The following TENM3 variants were observed in gnomAD, a reference collection of about 807,000 sequenced individuals.
TENM3 encodes teneurin transmembrane protein 3, also known as teneurin-3.
Under a neutral mutation model 255.1 loss-of-function variants are expected in TENM3, and 63 were observed. The observed-to-expected ratio is 0.25, with a 90% confidence interval of 0.20 to 0.30. The LOEUF (loss-of-function observed/expected upper bound fraction) is 0.30. TENM3 is among the 10% of genes least tolerant of loss of function. The pLI, the probability that TENM3 is intolerant of heterozygous loss-of-function variation, is 1.00. For synonymous variants in TENM3, 1,306 were observed against 1,322.3 expected (o/e 0.99, Z 0.27); for missense variants, 2,929 against 3,461.1 (o/e 0.85, Z 3.86).
chr4:182,670,832 A>G (rs1454362288), intron 6 of TENM3, among the ~76,000 whole-genome samples: 1 of 152,140 alleles, frequency 6.6e-6, no homozygotes. Flanking sequence ...CCACCACCAC[A>G]CAAGAATAAG....
At chr4:182,064,548 T>C in the TENM3 span, among the ~76,000 whole-genome samples, 1 of 151,870 alleles carries the variant, frequency 6.6e-6, no homozygotes, top group Non-Finnish European at 1.5e-5. Flanking sequence ...GCACCACTGC[T>C]CCAGCCTGGG....
the TENM3 span, among the ~76,000 whole-genome samples, chr4:182,043,747 T>C: frequency 1.3e-5 from 2 of 152,204 alleles, no homozygotes; most frequent in African/African-American, 2.4e-5. Flanking sequence ...TAATCAACTG[T>C]GTGTTTTCTG....
the TENM3 span, among the ~76,000 whole-genome samples, chr4:181,513,235 A>G: frequency 3.9e-5 from 6 of 152,170 alleles, no homozygotes; most frequent in African/African-American, 1.2e-4. Flanking sequence ...TCTCATTGCC[A>G]AGTTCTCAAT....
chr4:182,335,823 T>C lies in TENM3; in HGVS notation c.233-10828T>C, dbSNP rs1479547090. Reference sequence around the variant, plus strand: ...ATATCTATAATATACTGAATGACTGTTACAGTTTGAAAACAGAAAGATAAA... The same window carrying C: ...ATATCTATAATATACTGAATGACTGCTACAGTTTGAAAACAGAAAGATAAA... On this transcript the variant is annotated intron_variant, in intron 2 of 27. Transcript: ENST00000511685. Among the ~76,000 whole-genome samples, 4 of 152,172 alleles carry C rather than the reference T, an allele frequency of 2.6e-5. No individual in the cohort carries two copies. The South Asian group carries it at 8.3e-4, about 31-fold the overall frequency.
the TENM3 span, among the ~76,000 whole-genome samples, chr4:181,595,443 A>AAAAAAAAAC: frequency 9.9e-5 from 13 of 130,772 alleles, no homozygotes; most frequent in African/African-American, 4.0e-4. Context: ...AAAAAAAAAA[A>AAAAAAAAAC]AAAAAAAAAA....
chr4:181,539,171 A>G, the TENM3 span, among the ~76,000 whole-genome samples: 1 of 152,202 alleles, frequency 6.6e-6, no homozygotes, highest in African/African-American at 2.4e-5. Flanking sequence ...TTTCTTCAGC[A>G]TTGGAAGAAC....
the TENM3 span, among the ~76,000 whole-genome samples, chr4:181,461,996 A>G: frequency 6.6e-6 from 1 of 152,176 alleles, no homozygotes; most frequent in African/African-American, 2.4e-5. Context: ...CTTTCCAACA[A>G]AAGTATTGGG....
intron 1 of TENM3, among the ~76,000 whole-genome samples, chr4:182,203,271 C>A (rs1754324472): frequency 6.6e-6 from 1 of 151,892 alleles, no homozygotes; most frequent in African/African-American, 2.4e-5. Context: ...TCTTTTGGTT[C>A]CTTCTCCTCC....
the TENM3 span, among the ~76,000 whole-genome samples, chr4:181,555,326 G>A: frequency 6.6e-6 from 1 of 152,080 alleles, no homozygotes; most frequent in African/African-American, 2.4e-5. Flanking sequence ...TGTCTCATTC[G>A]AGACTATATT....
At chr4:182,636,219 T>C (rs1213134765) in intron 5 of TENM3, among the ~76,000 whole-genome samples, 1 of 152,194 alleles carries the variant, frequency 6.6e-6, no homozygotes, top group African/African-American at 2.4e-5. Context: ...GCCTATATTT[T>C]AGAGGATGGA....
rs560062100 is a variant in TENM3 at position 182,454,163 on chromosome 4, G to A, written c.511+107234G>A. Among the ~76,000 whole-genome samples the A allele has an allele frequency of 5.3e-4, 81 of 152,268 alleles. 1 individual carries two copies. Among genetic ancestry groups the A allele is most frequent in the African/African-American group, 1.9e-3 (80 of 41,548 alleles). On this transcript the variant is annotated intron_variant, in intron 3 of 27. Transcript: ENST00000511685. ...CATCATCAGTAAAGTGACCTTGATGGAGGTGGAAAAAGCCATTTGGCTATT... is the reference window on the plus strand; with the variant it reads ...CATCATCAGTAAAGTGACCTTGATGAAGGTGGAAAAAGCCATTTGGCTATT...
At chr4:181,795,946 G>A in the TENM3 span, among the ~76,000 whole-genome samples, 1 of 152,206 alleles carries the variant, frequency 6.6e-6, no homozygotes, top group African/African-American at 2.4e-5. Flanking sequence ...GAGAGACTCA[G>A]TAGGGAGTCA....
chr4:181,733,205 G>C, the TENM3 span, among the ~76,000 whole-genome samples: 3 of 152,160 alleles, frequency 2.0e-5, no homozygotes, highest in Admixed American at 2.0e-4. Flanking sequence ...TCTGAAGACA[G>C]ATAAATGAAG....
chr4:181,487,422 G>A, the TENM3 span, among the ~76,000 whole-genome samples: 3 of 152,144 alleles, frequency 2.0e-5, no homozygotes, highest in Non-Finnish European at 4.4e-5. Context: ...TGGAGGCAGG[G>A]ACGTCAAGAT....
chr4:182,742,878 C>A (rs1579312359), intron 18 of TENM3, among the ~76,000 whole-genome samples: 1 of 152,330 alleles, frequency 6.6e-6, no homozygotes, highest in East Asian at 1.9e-4. Flanking sequence ...GACTGATCAT[C>A]ACTGATGTTG....
At chr4:181,464,549 G>A in the TENM3 span, among the ~76,000 whole-genome samples, 2 of 152,158 alleles carry the variant, frequency 1.3e-5, no homozygotes, top group East Asian at 1.9e-4. Flanking sequence ...CTAGGTGCAA[G>A]TTCCCTTATC....
At chr4:182,165,377 T>C (rs540089657) in intron 1 of TENM3, among the ~76,000 whole-genome samples, 2 of 152,354 alleles carry the variant, frequency 1.3e-5, no homozygotes, top group Non-Finnish European at 2.9e-5. Flanking sequence ...ATTTGACCCA[T>C]GTTCACTTCT....
intron 1 of TENM3, among the ~76,000 whole-genome samples, chr4:182,230,279 C>A (rs1045488982): frequency 6.6e-6 from 1 of 152,062 alleles, no homozygotes; most frequent in Non-Finnish European, 1.5e-5. Flanking sequence ...TTCCACCAGG[C>A]TCCTCACACC....
chr4:181,851,619 C>T, the TENM3 span, among the ~76,000 whole-genome samples: 83 of 152,160 alleles, frequency 5.5e-4, no homozygotes, highest in Non-Finnish European at 9.3e-4. Flanking sequence ...CACGCACGCA[C>T]GCACACGCAT....
Sources: allele counts gnomAD v4.1 joint callset (sites outside exome capture counted in the v4.1 genomes callset), GRCh38; gene constraint gnomAD v4.1.1; transcripts MANE v1.5; gene names NCBI Gene and HGNC (gene_info 2026-07-23, HGNC 2026-07-21).